The following MEF2D variants were observed in gnomAD, a reference collection of about 807,000 sequenced individuals.
MEF2D encodes the protein myocyte enhancer factor 2D, also known as myocyte-specific enhancer factor 2D.
Under a neutral mutation model 59.3 loss-of-function variants are expected in MEF2D, and 10 were observed. That is an observed-to-expected ratio of 0.17 (90% CI 0.10 to 0.29). The LOEUF is 0.29. Among genes scored for constraint, MEF2D ranks in the 10% least tolerant of loss-of-function variants. MEF2D has a pLI of 1.00. For synonymous variants in MEF2D, 305 were observed against 295.0 expected (o/e 1.03, Z -0.35); for missense variants, 508 against 699.4 (o/e 0.73, Z 3.09).
At chr1:156,487,591 G>A (rs1345136573) in intron 1 of MEF2D, among the ~76,000 whole-genome samples, 1 of 152,248 alleles carries the variant, frequency 6.6e-6, no homozygotes, top group Non-Finnish European at 1.5e-5. Flanking sequence ...GGAAGAAGGG[G>A]TAGCTGGGGC....
intron 1 of MEF2D, among the ~76,000 whole-genome samples, chr1:156,484,486 C>G (rs1186221125): frequency 6.6e-6 from 1 of 152,214 alleles, no homozygotes; most frequent in African/African-American, 2.4e-5. Flanking sequence ...CCATAGTTTG[C>G]TGATTCCTGC....
At chr1:156,481,471 G>T (rs1672014486) in intron 3 of MEF2D, among the ~76,000 whole-genome samples, 1 of 152,150 alleles carries the variant, frequency 6.6e-6, no homozygotes, top group Admixed American at 6.5e-5. Flanking sequence ...GACAGAGAGA[G>T]CGGGGAATGG....
chr1:156,499,132 C>G (rs1455504847), intron 1 of MEF2D, among the ~76,000 whole-genome samples: 3 of 152,150 alleles, frequency 2.0e-5, no homozygotes, highest in African/African-American at 4.8e-5. Flanking sequence ...ACCTGCGCTC[C>G]CCTCCTATCT....
intron 9 of MEF2D, among the ~76,000 whole-genome samples, chr1:156,470,396 G>A (rs1671158555): frequency 6.6e-6 from 1 of 150,728 alleles, no homozygotes; most frequent in Admixed American, 6.6e-5. Flanking sequence ...TCCAGCCTGG[G>A]CAACAGAGCG....
intron 1 of MEF2D, among the ~76,000 whole-genome samples, chr1:156,498,454 C>G (rs1673271764): frequency 6.6e-6 from 1 of 152,170 alleles, no homozygotes; most frequent in Admixed American, 6.5e-5. Context: ...TCTCCCTTCC[C>G]AGAATCCCTC....
At chr1:156,477,870 TG>T in intron 6 of MEF2D, among the ~76,000 whole-genome samples, 1 of 152,382 alleles carries the variant, frequency 6.6e-6, no homozygotes, top group Admixed American at 6.5e-5. Flanking sequence ...ATAATTAGCC[TG>T]GTAATAACAA....
intron 9 of MEF2D, among the ~76,000 whole-genome samples, chr1:156,473,410 G>A (rs1164888327): frequency 1.3e-5 from 2 of 152,190 alleles, no homozygotes; most frequent in East Asian, 3.8e-4. Context: ...GGAAGGGGGA[G>A]AAGTTTATGA....
intron 9 of MEF2D, 151 bp from the exon 10 acceptor site, chr1:156,469,171 G>C: frequency 1.9e-6 from 2 of 1,052,168 alleles, no homozygotes; most frequent in Non-Finnish European, 2.7e-6. Context: ...CAAAAATTCA[G>C]TGAAGACGGT....
At chr1:156,481,071 G>A (rs1006743862) in intron 3 of MEF2D, 100 bp from the exon 4 acceptor site, 10 of 1,535,424 alleles carry the variant, frequency 6.5e-6, no homozygotes, top group African/African-American at 1.4e-5. Flanking sequence ...ACTCTTCCCC[G>A]ACCTCCTTCT....
rs753692123 is a variant in MEF2D at position 156,468,191 on chromosome 1, C to T, written c.1356G>A (p.Ala452=). The part of the protein sequence containing the change: ...PVSPSRERSP[A]PPPPAVFPAA... ...CTGGGAACACAGCTGGAGGGGGAGGCGCAGGGCTGCGCTCACGGCTTGGGG... is the reference window on the plus strand; with the variant it reads ...CTGGGAACACAGCTGGAGGGGGAGGTGCAGGGCTGCGCTCACGGCTTGGGG... The change falls in exon 11 of 12, where the codon GCG becomes GCA. Residue 452 remains alanine (A), a synonymous_variant. Transcript: ENST00000348159. This position sits in a 1 kb window ranked among gnomAD's most constrained non-coding sequence, Gnocchi z 4.3. The T allele has an allele frequency of 2.2e-5, 35 of 1,613,454 alleles. No individual in the cohort carries two copies. The highest frequency in any genetic ancestry group is 1.7e-4 in the African/African-American group (13 of 74,900).
chr1:156,496,337 C>A (rs531446044), intron 1 of MEF2D, among the ~76,000 whole-genome samples: 4 of 152,020 alleles, frequency 2.6e-5, no homozygotes, highest in Non-Finnish European at 4.4e-5. Context: ...CACCGAAAGG[C>A]GAAACTCTGT....
intron 1 of MEF2D, among the ~76,000 whole-genome samples, chr1:156,485,522 CT>C (rs60165062): frequency 0.096 from 12,642 of 131,658 alleles, 1,230 homozygotes; most frequent in African/African-American, 0.26. Flanking sequence ...TCTCCTTCTT[CT>C]TTTTTTTTTT....
chr1:156,493,967 C>A (rs150758855), intron 1 of MEF2D, among the ~76,000 whole-genome samples: 1 of 152,224 alleles, frequency 6.6e-6, no homozygotes, highest in Non-Finnish European at 1.5e-5. Context: ...CCATCATGGG[C>A]CCCAGAGGCC....
chr1:156,489,705 G>A (rs903958675), intron 1 of MEF2D, among the ~76,000 whole-genome samples: 1 of 152,124 alleles, frequency 6.6e-6, no homozygotes, highest in African/African-American at 2.4e-5. Context: ...GGAGGGGCAG[G>A]TCCCACCCAG....
chr1:156,479,900 C>T (rs532831495), intron 4 of MEF2D, 104 bp from the exon 5 acceptor site: 16 of 1,154,024 alleles, frequency 1.4e-5, no homozygotes, highest in African/African-American at 9.3e-5. Flanking sequence ...TTCTGGGCTA[C>T]GCATCCTAGG....
intron 8 of MEF2D, among the ~76,000 whole-genome samples, chr1:156,476,290 C>T (rs1302449819): frequency 6.6e-6 from 1 of 152,354 alleles, no homozygotes. Context: ...GGCACACACA[C>T]ACACGTCTGA....
intron 3 of MEF2D, among the ~76,000 whole-genome samples, 168 bp downstream of exon 3, chr1:156,482,269 G>T (rs1169948413): frequency 6.6e-6 from 1 of 152,240 alleles, no homozygotes; most frequent in Non-Finnish European, 1.5e-5. Flanking sequence ...CCCTGGGTTT[G>T]TATGACAGAA....
intron 1 of MEF2D, among the ~76,000 whole-genome samples, chr1:156,483,644 G>A (rs142239970): frequency 5.3e-5 from 8 of 152,292 alleles, no homozygotes; most frequent in South Asian, 2.1e-4. Context: ...CTTTCCCCTC[G>A]GTCACTGCTG....
At chr1:156,480,715 G>A in intron 4 of MEF2D, 119 bp downstream of exon 4, 2 of 1,610,394 alleles carry the variant, frequency 1.2e-6, no homozygotes, top group Non-Finnish European at 1.7e-6. Context: ...CCGTCTGGGG[G>A]GTCAGGGCAA....
Sources: allele counts gnomAD v4.1 joint callset (sites outside exome capture counted in the v4.1 genomes callset), GRCh38; gene constraint gnomAD v4.1.1; non-coding constraint Gnocchi (gnomAD v3.1); transcripts MANE v1.5; gene names NCBI Gene and HGNC (gene_info 2026-07-23, HGNC 2026-07-21).